PRUNE2: variants seen among roughly 807,000 people sequenced by gnomAD.
PRUNE2 encodes protein prune homolog 2.
PRUNE2 carries 164 observed loss-of-function variants against 252.0 expected under a neutral mutation model. The observed-to-expected ratio is 0.65, with a 90% CI of 0.57 to 0.74. The LOEUF is 0.74. Ranked by LOEUF, PRUNE2 falls within the 30% of genes least tolerant of loss-of-function variation. PRUNE2 has a pLI of 0.00. For synonymous variants in PRUNE2, 1,292 were observed against 1,350.2 expected, an observed-to-expected ratio of 0.96 and a Z score of 0.94; for missense variants, 3,495 against 3,711.0, an observed-to-expected ratio of 0.94 and a Z score of 1.51.
At chr9:76,649,948 T>TC (rs939458789) in intron 11 of PRUNE2, among the ~76,000 whole-genome samples, 7 of 151,746 alleles carry the variant, frequency 4.6e-5, no homozygotes, top group African/African-American at 1.7e-4. Flanking sequence ...CTTTTTTTTT[T>TC]TTAGAGTCTC....
At chr9:76,891,827 G>C (rs565641278) in intron 1 of PRUNE2, among the ~76,000 whole-genome samples, 1 of 152,060 alleles carries the variant, frequency 6.6e-6, no homozygotes, top group African/African-American at 2.4e-5. Context: ...TGTGTCTCTG[G>C]GCAAGGCTGG....
At chr9:76,622,438 A>T (rs1160525590) in intron 17 of PRUNE2, among the ~76,000 whole-genome samples, 1 of 152,238 alleles carries the variant, frequency 6.6e-6, no homozygotes, top group Non-Finnish European at 1.5e-5. Context: ...TTTCATGGTA[A>T]TAATGAAAGA....
At chr9:76,626,688 A>G (rs774270118) in intron 16 of PRUNE2, among the ~76,000 whole-genome samples, 3 of 152,300 alleles carry the variant, frequency 2.0e-5, no homozygotes, top group Non-Finnish European at 2.9e-5. Flanking sequence ...CATATGATGG[A>G]GAGTCTCTAA....
At chr9:76,845,000 TAAAAAAAAA>T (rs55754002) in intron 4 of PRUNE2, among the ~76,000 whole-genome samples, 5 of 60,752 alleles carry the variant, frequency 8.2e-5, no homozygotes, top group Admixed American at 4.8e-4. Flanking sequence ...CCCCCTCTCT[TAAAAAAAAA>T]AAAAAAAAAA....
intron 6 of PRUNE2, among the ~76,000 whole-genome samples, chr9:76,726,583 G>C (rs1012516926): frequency 2.6e-5 from 4 of 152,168 alleles, no homozygotes; most frequent in Non-Finnish European, 4.4e-5. Context: ...CAATTAAGGA[G>C]GGTATTAAAA....
At chr9:76,863,763 G>A (rs991512063) in intron 1 of PRUNE2, among the ~76,000 whole-genome samples, 1 of 152,152 alleles carries the variant, frequency 6.6e-6, no homozygotes, top group Non-Finnish European at 1.5e-5. Flanking sequence ...CTCTTGACTG[G>A]ACTGCATTTG....
At chr9:76,735,159 C>A (rs1390121874) in intron 6 of PRUNE2, among the ~76,000 whole-genome samples, 3 of 152,182 alleles carry the variant, frequency 2.0e-5, no homozygotes, top group Non-Finnish European at 4.4e-5. Flanking sequence ...GTATCAGAAG[C>A]TAGATCTATC....
At chr9:76,658,890 T>C (rs1850229095) in intron 9 of PRUNE2, among the ~76,000 whole-genome samples, 1 of 152,236 alleles carries the variant, frequency 6.6e-6, no homozygotes, top group African/African-American at 2.4e-5. Flanking sequence ...TATTTCTGGC[T>C]CTCTGCCTTT....
chr9:76,762,085 T>G (rs757349517), intron 6 of PRUNE2, among the ~76,000 whole-genome samples: 1 of 152,240 alleles, frequency 6.6e-6, no homozygotes, highest in Non-Finnish European at 1.5e-5. Context: ...GTGCCAACTC[T>G]GAAATCATTT....
At chr9:76,769,084 T>C (rs1295587504) in intron 6 of PRUNE2, among the ~76,000 whole-genome samples, 1 of 152,186 alleles carries the variant, frequency 6.6e-6, no homozygotes, top group East Asian at 1.9e-4. Flanking sequence ...TCAACCAATA[T>C]TGACAGTTTG....
chr9:76,817,205 A>T (rs527739888), intron 6 of PRUNE2, among the ~76,000 whole-genome samples: 1 of 152,276 alleles, frequency 6.6e-6, no homozygotes, highest in Non-Finnish European at 1.5e-5. Flanking sequence ...CTTACTAGTG[A>T]ACCCCTGAGT....
chr9:76,800,628 T>C (rs1160571564), intron 6 of PRUNE2, among the ~76,000 whole-genome samples: 1 of 152,238 alleles, frequency 6.6e-6, no homozygotes, highest in Non-Finnish European at 1.5e-5. Context: ...GTTAAATAAC[T>C]TTTGGATTTT....
At chr9:76,749,524 T>G (rs2050423906) in intron 6 of PRUNE2, among the ~76,000 whole-genome samples, 2 of 152,190 alleles carry the variant, frequency 1.3e-5, no homozygotes, top group Non-Finnish European at 2.9e-5. Flanking sequence ...TAACTTCTGA[T>G]TTTCTGAAAT....
In PRUNE2 at chr9:76,705,909, C is replaced by T. The variant is rs894535614; in HGVS notation, c.6365G>A (p.Ser2122Asn). 3.6e-5 allele frequency: 58 copies of T among 1,613,886 alleles called. No individual in the cohort carries two copies. Among genetic ancestry groups the T allele is most frequent in the Non-Finnish European group, 4.8e-5 (57 of 1,179,914 alleles). ...TTCCACTTCAGGTCCCATGCAAGCA[C>T]TGAGGTGCTTCTCAGTCTCTTGCTT... Reference protein sequence around the residue: ...EAKQETEKHLSACMGPEVESS... With the variant: ...EAKQETEKHLNACMGPEVESS... Residue 2122 changes from serine (S) to asparagine (N), a missense_variant, in exon 8 of 19, where the codon AGT becomes AAT. By Grantham distance (46) the Ser-to-Asn change is conservative (BLOSUM62 1). Coordinates refer to ENST00000376718, the MANE Select transcript of PRUNE2 (RefSeq NM_015225.3).
At chr9:76,636,365 T>G in intron 15 of PRUNE2, 106 bp downstream of exon 15, 1 of 686,062 alleles carries the variant, frequency 1.5e-6, no homozygotes, top group Non-Finnish European at 2.6e-6. Flanking sequence ...GACAAATATA[T>G]TTCCCTGGGT....
chr9:76,719,646 T>A (rs1291431302), intron 6 of PRUNE2, among the ~76,000 whole-genome samples: 2 of 151,594 alleles, frequency 1.3e-5, no homozygotes, highest in African/African-American at 4.9e-5. Context: ...TAAAAAAATA[T>A]ATGTTCCTTT....
intron 6 of PRUNE2, among the ~76,000 whole-genome samples, chr9:76,769,024 TAAGAGATATTCTTA>T (rs2130898005): frequency 6.6e-6 from 1 of 152,294 alleles, no homozygotes; most frequent in Non-Finnish European, 1.5e-5. Flanking sequence ...ATTGACAGTT[TAAGAGATATTCTTA>T]GAATCTTTCA....
chr9:76,662,908 C>T (rs888654911), intron 9 of PRUNE2, among the ~76,000 whole-genome samples: 1 of 152,140 alleles, frequency 6.6e-6, no homozygotes, highest in African/African-American at 2.4e-5. Context: ...GATAAGGTTG[C>T]TGTCTCTAGA....
intron 8 of PRUNE2, 126 bp downstream of exon 8, chr9:76,704,635 C>T (rs1170774588): frequency 1.2e-5 from 8 of 669,058 alleles, no homozygotes; most frequent in Non-Finnish European, 2.0e-5. Flanking sequence ...CTTAGTGAGG[C>T]ATGCCTTGAA....
Sources: gnomAD v4.1 joint callset for allele counts (sites outside exome capture counted in the v4.1 genomes callset) on GRCh38, gnomAD v4.1.1 for gene constraint, MANE v1.5 for transcripts, NCBI Gene and HGNC (gene_info 2026-07-23, HGNC 2026-07-21) for gene names.